TTC28: variants seen among roughly 807,000 people sequenced by gnomAD.
TTC28 encodes tetratricopeptide repeat domain 28, also known as tetratricopeptide repeat protein 28.
A neutral mutation model predicts 198.0 loss-of-function variants in TTC28; 61 were observed. The observed-to-expected ratio is 0.31, with a 90% confidence interval of 0.25 to 0.38. The LOEUF (loss-of-function observed/expected upper bound fraction) is 0.38. TTC28 is among the 10% of genes least tolerant of loss of function. TTC28 has a pLI of 1.00. For synonymous variants in TTC28, 1,171 were observed against 1,297.8 expected (o/e 0.90, Z 2.10); for missense variants, 2,678 against 3,164.0 (o/e 0.85, Z 3.69).
chr22:28,324,378 C>T (rs1910975361), intron 2 of TTC28, among the ~76,000 whole-genome samples: 3 of 151,752 alleles, frequency 2.0e-5, no homozygotes, highest in Non-Finnish European at 2.9e-5. Context: ...TCCTCCCTAA[C>T]TCATTTTATG....
In TTC28 at chr22:28,101,253, C is replaced by T. The variant is rs1449571024; in HGVS notation, c.3335G>A (p.Arg1112Gln). 4.5e-6 allele frequency: 7 copies of T among 1,551,662 alleles called. No individual in the cohort carries two copies. In the African/African-American group the frequency reaches 5.5e-5, roughly 12 times the overall value. Reference protein sequence around the residue: ...EGLRLAEQLGRREDEAKIRHG... With the variant: ...EGLRLAEQLGQREDEAKIRHG... ...GCGAATTTTTGCCTCATCTTCTCTTCGGCCCAGTTGCTCAGCTAACCTTAA... is the reference window on the plus strand; with the variant it reads ...GCGAATTTTTGCCTCATCTTCTCTTTGGCCCAGTTGCTCAGCTAACCTTAA... Residue 1112 changes from arginine (R) to glutamine (Q), a missense_variant, in exon 9 of 23, where the codon CGA (arginine) becomes CAA (glutamine). Physicochemically the swap from Arg to Gln is conservative, Grantham distance 43 (BLOSUM62 1). Transcript: ENST00000397906.
intron 13 of TTC28, among the ~76,000 whole-genome samples, chr22:28,020,778 A>AACACAC (rs34174077): frequency 1.5e-3 from 219 of 148,996 alleles, no homozygotes; most frequent in South Asian, 2.8e-3. Flanking sequence ...CCCCTCCCCC[A>AACACAC]ACACACACAC....
chr22:28,647,104 A>G (rs1436186136), intron 1 of TTC28, among the ~76,000 whole-genome samples: 2 of 152,198 alleles, frequency 1.3e-5, no homozygotes, highest in Non-Finnish European at 2.9e-5. Flanking sequence ...CTGATCTTTG[A>G]TAAAGCATAC....
intron 10 of TTC28, 62 bp from the exon 11 acceptor site, chr22:28,096,470 T>C (rs1941978949): frequency 8.6e-6 from 13 of 1,518,882 alleles, no homozygotes; most frequent in Admixed American, 4.0e-5. Flanking sequence ...GAGAGGCCTA[T>C]CAGGGACGGC....
chr22:28,236,168 T>A (rs1352072634), intron 5 of TTC28, among the ~76,000 whole-genome samples: 1 of 152,210 alleles, frequency 6.6e-6, no homozygotes, highest in East Asian at 1.9e-4. Flanking sequence ...CAGCTAGACA[T>A]GCTTGGCTTC....
intron 2 of TTC28, among the ~76,000 whole-genome samples, chr22:28,319,416 T>C (rs986760256): frequency 3.3e-5 from 5 of 151,854 alleles, no homozygotes; most frequent in Non-Finnish European, 7.4e-5. Context: ...AGAGGAGGAG[T>C]AGAGATGGGC....
rs547755954 is a variant in TTC28 at position 28,003,148 on chromosome 22, G to A, written c.4219-1595C>T. 2.6e-5 allele frequency among the ~76,000 whole-genome samples: 4 copies of A among 152,258 alleles called. No individual in the cohort carries two copies. The South Asian group carries it at 8.3e-4, about 32-fold the overall frequency. ...AGCACAGGGAGGAGAAAGAGTTGTA[G>A]GGCACCTGGGCCCCATGGCCTGCCA... On this transcript the variant is annotated intron_variant, in intron 14 of 22. Coordinates refer to ENST00000397906, the MANE Select transcript of TTC28 (RefSeq NM_001145418.2).
chr22:28,428,517 T>G (rs1203528075), intron 2 of TTC28, among the ~76,000 whole-genome samples: 1 of 152,210 alleles, frequency 6.6e-6, no homozygotes, highest in Non-Finnish European at 1.5e-5. Flanking sequence ...TTTTCTATTC[T>G]GACTTCTTGT....
rs551412659 is a variant in TTC28, at chr22:28,333,569, C to T, written c.382-26926G>A. 2.6e-5 allele frequency among the ~76,000 whole-genome samples: 4 copies of T among 152,184 alleles called. No homozygotes were observed. In the East Asian group the frequency reaches 7.7e-4, roughly 29 times the overall value. ...AATGAACTAGGTTATATTTACTGTT[C>T]TGCCAATCTTCAATTCTGAACTGAT... is the stretch of plus-strand genomic sequence containing the variant. On this transcript the variant is annotated intron_variant, in intron 2 of 22. Transcript: ENST00000397906.
intron 1 of TTC28, among the ~76,000 whole-genome samples, chr22:28,671,824 T>C (rs1180539247): frequency 1.3e-5 from 2 of 151,176 alleles, no homozygotes; most frequent in Non-Finnish European, 2.9e-5. Context: ...TACAGGCGCC[T>C]GCCACCATGC....
intron 2 of TTC28, among the ~76,000 whole-genome samples, chr22:28,544,544 A>G (rs1008017177): frequency 2.6e-5 from 4 of 152,314 alleles, no homozygotes; most frequent in South Asian, 2.1e-4. Context: ...TAGGGGATGG[A>G]TAAAATAAGG....
intron 5 of TTC28, among the ~76,000 whole-genome samples, chr22:28,184,263 T>C (rs1427879986): frequency 6.6e-6 from 1 of 152,200 alleles, no homozygotes; most frequent in Non-Finnish European, 1.5e-5. Flanking sequence ...CTGAGTACAT[T>C]AAGCAATTTT....
chr22:28,146,477 C>T (rs901343985), intron 6 of TTC28, among the ~76,000 whole-genome samples: 14 of 152,184 alleles, frequency 9.2e-5, no homozygotes, highest in South Asian at 2.1e-4. Flanking sequence ...CATGCCAGCT[C>T]GCCGGATGGT....
rs562173522 is a variant in TTC28 at position 28,014,332 on chromosome 22, G to A, written c.4134C>T (p.Thr1378=). 6.4e-6 allele frequency: 10 copies of A among 1,551,660 alleles called. No individual in the cohort carries two copies. Among genetic ancestry groups the A allele is most frequent in the Non-Finnish European group, 8.7e-6 (10 of 1,146,966 alleles). ...SNTVSPTQDG[T]SSLPRRQSSF... The stretch of plus-strand genomic sequence containing the variant: ...AGCTCTGCCTCCTGGGAAGAGAGGA[G>A]GTCCCGTCCTGGGTCGGTGACACAG... Residue 1378 remains threonine (T), a synonymous_variant, in exon 14 of 23, where the codon ACC becomes ACT. Coordinates refer to ENST00000397906, the MANE Select transcript of TTC28 (RefSeq NM_001145418.2).
At position 28,588,997 on chromosome 22, in the gene TTC28, T is replaced by A. The variant is rs541575610; in HGVS notation, c.381+40555A>T. ...GGAAAAATTACCACCTTTCACTGAG[T>A]ATCATACTTAATTTCTGTATATTGT... On this transcript the variant is annotated intron_variant, in intron 2 of 22. Coordinates refer to ENST00000397906, the MANE Select transcript of TTC28 (RefSeq NM_001145418.2). Among the ~76,000 whole-genome samples, 3 of 152,282 alleles carry A rather than the reference T, an allele frequency of 2.0e-5. No individual in the cohort carries two copies. In the South Asian group the frequency reaches 6.2e-4, roughly 32 times the overall value.
intron 1 of TTC28, among the ~76,000 whole-genome samples, chr22:28,658,898 G>A (rs1601673148): frequency 1.3e-5 from 2 of 152,164 alleles, no homozygotes; most frequent in East Asian, 3.8e-4. Flanking sequence ...TCAGGAGACT[G>A]AGGCAGGAGA....
Position 28,489,892 on chromosome 22 carries a change from A to T in TTC28, c.381+139660T>A, listed in dbSNP as rs369453332. Among the ~76,000 whole-genome samples the T allele has an allele frequency of 2.0e-4, 31 of 152,274 alleles. 1 individual carries two copies. The South Asian group carries it at 4.8e-3, about 23-fold the overall frequency. On this transcript the variant is annotated intron_variant, in intron 2 of 22. Coordinates refer to ENST00000397906, the MANE Select transcript of TTC28 (RefSeq NM_001145418.2). ...ATAAAGGGGAGTTTATTAAGTATTA[A>T]CTCACTTGATCACAAGGTCCCACAA...
At chr22:28,026,990 G>A (rs1223579901) in intron 13 of TTC28, among the ~76,000 whole-genome samples, 1 of 152,178 alleles carries the variant, frequency 6.6e-6, no homozygotes, top group African/African-American at 2.4e-5. Flanking sequence ...CCAGGATCCA[G>A]GATGCAGTCA....
At position 28,292,213 on chromosome 22, in the gene TTC28, C is replaced by CCT. The variant is rs369496973; in HGVS notation, c.933+3983_933+3984dup. 4.5e-3 allele frequency among the ~76,000 whole-genome samples: 681 copies of CCT among 151,630 alleles called. 5 individuals are homozygous for CCT. The highest frequency in any genetic ancestry group is 0.016 in the African/African-American group (650 of 41,340). Reference sequence around the variant, plus strand: ...ATTAACTTTTATTTTGTAGACAGGGCCTCTCTCTCTCTTGCCCAGACTGGA... The same window carrying CCT: ...ATTAACTTTTATTTTGTAGACAGGGCCTCTCTCTCTCTCTTGCCCAGACTGGA... On this transcript the variant is annotated intron_variant, in intron 5 of 22. Coordinates refer to ENST00000397906, the MANE Select transcript of TTC28 (RefSeq NM_001145418.2).
Sources: gnomAD v4.1 joint callset for allele counts (sites outside exome capture counted in the v4.1 genomes callset) on GRCh38, gnomAD v4.1.1 for gene constraint, MANE v1.5 for transcripts, NCBI Gene and HGNC (gene_info 2026-07-23, HGNC 2026-07-21) for gene names.